The following CRIM1 variants were observed in gnomAD, a reference collection of about 807,000 sequenced individuals.
The protein encoded by CRIM1 is cysteine rich transmembrane BMP regulator 1, also known as cysteine-rich motor neuron 1 protein.
In CRIM1, 32 loss-of-function variants were observed where a neutral mutation model predicts 116.4. That is an observed-to-expected ratio of 0.27 (90% CI 0.21 to 0.37). The LOEUF (loss-of-function observed/expected upper bound fraction) is 0.37. Ranked by LOEUF, CRIM1 falls within the 10% of genes least tolerant of loss-of-function variation. CRIM1 has a pLI of 1.00. For missense variants in CRIM1, 1,331 were observed against 1,354.8 expected, an observed-to-expected ratio of 0.98 and a Z score of 0.28; for synonymous variants, 590 against 509.2, an observed-to-expected ratio of 1.16 and a Z score of -2.13.
chr2:36,459,942 G>A (rs1202774650), intron 4 of CRIM1, among the ~76,000 whole-genome samples: 1 of 152,204 alleles, frequency 6.6e-6, no homozygotes, highest in Admixed American at 6.5e-5. Context: ...AGTCCAGGAA[G>A]CAAAGGACAT....
chr2:36,416,245 A>G (rs1376527159), intron 2 of CRIM1, among the ~76,000 whole-genome samples: 1 of 149,426 alleles, frequency 6.7e-6, no homozygotes, highest in African/African-American at 2.5e-5. Context: ...GATTGGAACT[A>G]TGGAACTAAA....
intron 1 of CRIM1, among the ~76,000 whole-genome samples, chr2:36,394,390 G>A (rs1421044997): frequency 1.3e-5 from 2 of 152,142 alleles, no homozygotes; most frequent in African/African-American, 4.8e-5. Flanking sequence ...CATGTTAACA[G>A]TTAAACAGAT....
rs71396495 is a variant in CRIM1 at position 36,550,041 on chromosome 2, ATGTG to A, written c.*1363_*1366del. ...GAAAGATGTGTGTGTGAGAGTATGT[ATGTG>A]TGTGTGTGTGTGTGTGTGTGTGCGC... On this transcript the variant is annotated 3_prime_UTR_variant, in exon 17 of 17. Coordinates refer to ENST00000280527, the MANE Select transcript of CRIM1 (RefSeq NM_016441.3). 0.023 allele frequency: 3,334 copies of A among 146,564 alleles called. 101 individuals carry two copies. Among genetic ancestry groups the A allele is most frequent in the African/African-American group, 0.074 (2,914 of 39,420 alleles). 9.1% of individuals were successfully genotyped at this position (146,564 alleles called of 1,614,324 possible).
chr2:36,387,262 G>T (rs1671236808), intron 1 of CRIM1, among the ~76,000 whole-genome samples: 1 of 152,162 alleles, frequency 6.6e-6, no homozygotes, highest in Non-Finnish European at 1.5e-5. Context: ...TCTTTTTAGA[G>T]TATCCTGATG....
intron 2 of CRIM1, among the ~76,000 whole-genome samples, chr2:36,428,277 T>C (rs1052952364): frequency 1.6e-4 from 24 of 152,252 alleles, no homozygotes; most frequent in African/African-American, 5.8e-4. Context: ...TTGGCTTTTC[T>C]AAGTCACTGT....
intron 2 of CRIM1, among the ~76,000 whole-genome samples, chr2:36,397,956 G>C (rs1485225850): frequency 6.6e-6 from 1 of 151,986 alleles, no homozygotes; most frequent in East Asian, 1.9e-4. Context: ...ATCACACCAA[G>C]TATTCTTCCT....
At chr2:36,538,868 T>C (rs1267722582) in intron 14 of CRIM1, among the ~76,000 whole-genome samples, 1 of 152,254 alleles carries the variant, frequency 6.6e-6, no homozygotes, top group Non-Finnish European at 1.5e-5. Context: ...TATTCACCTA[T>C]GTTTCACAAA....
chr2:36,423,006 T>C (rs1674185368), intron 2 of CRIM1, among the ~76,000 whole-genome samples: 1 of 152,208 alleles, frequency 6.6e-6, no homozygotes. Context: ...AAGTAGCGTA[T>C]ATAATGGAAA....
At chr2:36,375,995 T>C (rs1042155213) in intron 1 of CRIM1, among the ~76,000 whole-genome samples, 1 of 152,136 alleles carries the variant, frequency 6.6e-6, no homozygotes, top group South Asian at 2.1e-4. Flanking sequence ...TACCAAAATA[T>C]GTATGCTGAA....
chr2:36,474,026 A>C (rs887980851), intron 5 of CRIM1, among the ~76,000 whole-genome samples: 1 of 152,144 alleles, frequency 6.6e-6, no homozygotes, highest in Non-Finnish European at 1.5e-5. Context: ...ACTATTTTTT[A>C]ATTATATCCA....
chr2:36,510,488 A>C (rs1338475482), intron 9 of CRIM1, among the ~76,000 whole-genome samples: 1 of 152,192 alleles, frequency 6.6e-6, no homozygotes, highest in Non-Finnish European at 1.5e-5. Flanking sequence ...ACCTGTCCCA[A>C]GGTCTATTTG....
chr2:36,382,220 C>T (rs940343400), intron 1 of CRIM1, among the ~76,000 whole-genome samples: 3 of 152,220 alleles, frequency 2.0e-5, no homozygotes, highest in Admixed American at 1.3e-4. Flanking sequence ...TTCCAAACTG[C>T]GCGTGTTGGC....
chr2:36,531,342 A>G (rs1482230723), intron 13 of CRIM1, among the ~76,000 whole-genome samples: 2 of 152,020 alleles, frequency 1.3e-5, no homozygotes, highest in South Asian at 2.1e-4. Context: ...TGGTTTTTAT[A>G]TCCTTCCACA....
At chr2:36,487,559 T>TAAAA (rs34362565) in intron 7 of CRIM1, among the ~76,000 whole-genome samples, 2 of 145,624 alleles carry the variant, frequency 1.4e-5, no homozygotes, top group South Asian at 2.2e-4. Flanking sequence ...AAGTCTGGTT[T>TAAAA]AAAAAAAAAA....
intron 7 of CRIM1, among the ~76,000 whole-genome samples, chr2:36,487,876 T>C (rs887564099): frequency 6.6e-6 from 1 of 152,242 alleles, no homozygotes; most frequent in Non-Finnish European, 1.5e-5. Context: ...AATGGTCATA[T>C]ACTGTATTAC....
intron 6 of CRIM1, 47 bp from the exon 7 acceptor site, chr2:36,479,450 G>T: frequency 6.3e-7 from 1 of 1,584,178 alleles, no homozygotes; most frequent in African/African-American, 1.3e-5. Context: ...ACAGAGATAA[G>T]ATTTAGAAGA....
chr2:36,526,445 A>T (rs1665764362), intron 13 of CRIM1, among the ~76,000 whole-genome samples: 1 of 152,220 alleles, frequency 6.6e-6, no homozygotes, highest in African/African-American at 2.4e-5. Context: ...TCCCATGGCC[A>T]TTTCACTGAT....
At chr2:36,443,573 G>C (rs943056998) in intron 4 of CRIM1, among the ~76,000 whole-genome samples, 21 of 152,286 alleles carry the variant, frequency 1.4e-4, no homozygotes, top group African/African-American at 5.1e-4. Context: ...TTAATAGGAT[G>C]AGTTAAAACT....
Position 36,417,033 on chromosome 2 carries a change from A to G in CRIM1, c.505+20246A>G, listed in dbSNP as rs953887951. On this transcript the variant is annotated intron_variant, in intron 2 of 16. Coordinates refer to ENST00000280527, the MANE Select transcript of CRIM1 (RefSeq NM_016441.3). Reference sequence around the variant, plus strand: ...GGTCAGTTTAGATGTTTCAGCAGGTAACAGACGTGGCACCGTCCACCCAGA... The same window carrying G: ...GGTCAGTTTAGATGTTTCAGCAGGTGACAGACGTGGCACCGTCCACCCAGA... Among the ~76,000 whole-genome samples the G allele has an allele frequency of 2.0e-5, 3 of 152,304 alleles. No homozygotes were observed. The East Asian group carries it at 5.8e-4, about 29-fold the overall frequency.
Sources: gnomAD v4.1 joint callset for allele counts (sites outside exome capture counted in the v4.1 genomes callset) on GRCh38, gnomAD v4.1.1 for gene constraint, MANE v1.5 for transcripts, NCBI Gene and HGNC (gene_info 2026-07-23, HGNC 2026-07-21) for gene names.